The following PTPN13 variants were observed in gnomAD, a reference collection of about 807,000 sequenced individuals.
PTPN13 encodes the protein protein tyrosine phosphatase non-receptor type 13.
In PTPN13, 191 loss-of-function variants were observed where a neutral mutation model predicts 284.0. That is an observed-to-expected ratio of 0.67 (90% confidence interval 0.60 to 0.76). PTPN13 has a LOEUF of 0.76. PTPN13 is among the 30% of genes least tolerant of loss of function. The probability of loss-of-function intolerance (pLI) is 0.00; values close to 1 mark genes in which losing one functional copy is unlikely to be tolerated. For synonymous variants in PTPN13, 986 were observed against 1,022.3 expected (o/e 0.96, Z 0.68); for missense variants, 2,797 against 2,939.9 (o/e 0.95, Z 1.12).
At chr4:86,788,307 A>G (rs183794614) in intron 40 of PTPN13, among the ~76,000 whole-genome samples, 1 of 152,324 alleles carries the variant, frequency 6.6e-6, no homozygotes, top group Admixed American at 6.5e-5. Flanking sequence ...TTTCTAGAAT[A>G]TTACCTACAT....
At chr4:86,799,711 A>G (rs951141489) in intron 42 of PTPN13, among the ~76,000 whole-genome samples, 1 of 151,756 alleles carries the variant, frequency 6.6e-6, no homozygotes, top group African/African-American at 2.4e-5. Flanking sequence ...TTGCACAGTT[A>G]TATTCTAAAA....
chr4:86,790,011 ATATT>A (rs1381777438), intron 40 of PTPN13, among the ~76,000 whole-genome samples: 1 of 152,122 alleles, frequency 6.6e-6, no homozygotes, highest in East Asian at 1.9e-4. Flanking sequence ...TAAAATTTTC[ATATT>A]TATAATAGCA....
At position 86,799,125 on chromosome 4, in the gene PTPN13, G is replaced by A; in HGVS notation, c.6426G>A (p.Lys2142=). 1 of 1,586,888 alleles carries A rather than the reference G, an allele frequency of 6.3e-7. No individual in the cohort carries two copies. The highest frequency in any genetic ancestry group is 8.6e-7 in the Non-Finnish European group (1 of 1,168,350). The change falls in exon 42 of 48, where the codon AAG becomes AAA. Residue 2142 remains lysine (K), a synonymous_variant. Coordinates refer to ENST00000411767, the MANE Select transcript of PTPN13 (RefSeq NM_080683.3). The part of the protein sequence containing the change: ...SESLIQKPQE[K]KTDDDEITWG... ...GCTTAATTCAGAAGCCACAAGAAAA[G>A]AAGACTGATGATGATGAAATAACAT...
chr4:86,781,275 G>C (rs10013467), intron 36 of PTPN13, among the ~76,000 whole-genome samples: 17,191 of 151,024 alleles, frequency 0.11, 1,090 homozygotes, highest in Non-Finnish European at 0.13. Context: ...TCTTTGTTTT[G>C]TTATAAAGTT....
At chr4:86,787,263 CTTA>C (rs1251245964) in intron 40 of PTPN13, among the ~76,000 whole-genome samples, 4 of 151,892 alleles carry the variant, frequency 2.6e-5, no homozygotes, top group African/African-American at 9.7e-5. Context: ...ATATTACATC[CTTA>C]TTGTAAAAAA....
intron 45 of PTPN13, among the ~76,000 whole-genome samples, chr4:86,808,404 A>G (rs529616745): frequency 2.6e-5 from 4 of 152,342 alleles, no homozygotes; most frequent in South Asian, 2.1e-4. Flanking sequence ...GAATTAGATA[A>G]GTGGCAATAC....
intron 3 of PTPN13, among the ~76,000 whole-genome samples, chr4:86,673,425 G>T (rs985201238): frequency 1.3e-5 from 2 of 152,156 alleles, no homozygotes; most frequent in African/African-American, 4.8e-5. Flanking sequence ...ATGACAAGAG[G>T]TAAGAAATTG....
chr4:86,638,375 G>A (rs546619437), intron 2 of PTPN13, among the ~76,000 whole-genome samples: 18 of 152,130 alleles, frequency 1.2e-4, no homozygotes, highest in African/African-American at 4.3e-4. Flanking sequence ...CGCCAAGTCA[G>A]TCCTAAACCA....
intron 34 of PTPN13, 47 bp from the exon 35 acceptor site, chr4:86,775,395 T>G: frequency 6.3e-7 from 1 of 1,599,304 alleles, no homozygotes; most frequent in South Asian, 1.1e-5. Flanking sequence ...AGCTTAAGAG[T>G]AAGTACTTTT....
rs920478243 is a variant in PTPN13, at chr4:86,775,570, G to A, written c.5809G>A (p.Val1937Ile). ...LLDVIHYVNG[V>I]STQGMTLEEV... ...AGATGTCATCCATTATGTGAACGGA[G>A]TCAGCACACAAGGAATGACCTTGGA... is the stretch of plus-strand genomic sequence containing the variant. The change falls in exon 35 of 48, where the codon GTC becomes ATC. Residue 1937 changes from valine to isoleucine, a missense_variant. Transcript: ENST00000411767. The A allele has an allele frequency of 4.3e-6, 7 of 1,613,572 alleles. No individual in the cohort carries two copies. In the East Asian group the frequency reaches 1.6e-4, roughly 36 times the overall value.
intron 7 of PTPN13, among the ~76,000 whole-genome samples, chr4:86,703,323 A>G (rs1731364545): frequency 6.6e-6 from 1 of 152,114 alleles, no homozygotes; most frequent in Non-Finnish European, 1.5e-5. Context: ...GTTTAAAAGA[A>G]AAGTCTCCTT....
At chr4:86,629,890 G>A (rs1722275255) in intron 1 of PTPN13, among the ~76,000 whole-genome samples, 1 of 151,816 alleles carries the variant, frequency 6.6e-6, no homozygotes, top group African/African-American at 2.4e-5. Flanking sequence ...TCAGGTAGCT[G>A]GGACTACAGG....
chr4:86,679,909 C>T (rs1728694371), intron 3 of PTPN13, among the ~76,000 whole-genome samples: 2 of 152,104 alleles, frequency 1.3e-5, no homozygotes, highest in South Asian at 4.1e-4. Context: ...TTTATTATCC[C>T]ATTTTATATT....
At chr4:86,697,749 T>C (rs1439569094) in intron 6 of PTPN13, among the ~76,000 whole-genome samples, 1 of 152,184 alleles carries the variant, frequency 6.6e-6, no homozygotes, top group Non-Finnish European at 1.5e-5. Flanking sequence ...TCTTTTAATA[T>C]TGAAATGCCA....
intron 28 of PTPN13, 81 bp downstream of exon 28, chr4:86,768,057 A>C: frequency 3.9e-6 from 5 of 1,272,614 alleles, no homozygotes; most frequent in Non-Finnish European, 5.4e-6. Context: ...GTTGGATTAC[A>C]GTTAATGCCC....
At position 86,750,438 on chromosome 4, in the gene PTPN13, C is replaced by T. The variant is rs1469924993; in HGVS notation, c.2651-32C>T. The T allele has an allele frequency of 5.1e-6, 8 of 1,559,016 alleles. No homozygotes were observed. The African/African-American group carries it at 1.1e-4, about 21-fold the overall frequency. ...TTCTCATAAAAGTACTGTGGCGTTA[C>T]CATCATGTAAAGCAATCCTATTTCC... On this transcript the variant is annotated intron_variant, in intron 17 of 47. Transcript: ENST00000411767.
intron 44 of PTPN13, among the ~76,000 whole-genome samples, chr4:86,807,082 C>T (rs971350249): frequency 2.0e-5 from 3 of 151,920 alleles, no homozygotes; most frequent in Non-Finnish European, 4.4e-5. Flanking sequence ...TTAATTATGC[C>T]AATAACATTT....
intron 2 of PTPN13, among the ~76,000 whole-genome samples, chr4:86,650,012 G>C (rs1156996696): frequency 6.6e-6 from 1 of 152,104 alleles, no homozygotes; most frequent in Non-Finnish European, 1.5e-5. Context: ...TTGTGGTAGA[G>C]TCTTGCTCTC....
chr4:86,641,677 A>C (rs372348822), intron 2 of PTPN13, among the ~76,000 whole-genome samples: 25 of 152,286 alleles, frequency 1.6e-4, no homozygotes, highest in African/African-American at 6.0e-4. Flanking sequence ...ATGTAGATGA[A>C]GGTGATGAAA....
Sources: allele counts gnomAD v4.1 joint callset (sites outside exome capture counted in the v4.1 genomes callset), GRCh38; gene constraint gnomAD v4.1.1; transcripts MANE v1.5; gene names NCBI Gene and HGNC (gene_info 2026-07-23, HGNC 2026-07-21).